ELMOD2: variants seen among roughly 807,000 people sequenced by gnomAD.
ELMOD2 encodes ELMO domain containing 2, also known as ELMO domain-containing protein 2.
Under a neutral mutation model 41.0 loss-of-function variants are expected in ELMOD2, and 28 were observed. The observed-to-expected ratio is 0.68, with a 90% CI of 0.51 to 0.94. The LOEUF (loss-of-function observed/expected upper bound fraction) is 0.94, where lower values mean the gene tolerates loss of function less well. ELMOD2 is among the 40% of genes least tolerant of loss of function. The probability of loss-of-function intolerance (pLI) is 0.00; values close to 1 mark genes in which losing one functional copy is unlikely to be tolerated. For missense variants in ELMOD2, 333 were observed against 343.1 expected (o/e 0.97, Z 0.23); for synonymous variants, 106 against 107.2 (o/e 0.99, Z 0.07).
At chr4:140,535,948 C>T (rs772838030) in intron 4 of ELMOD2, 118 bp downstream of exon 4, 73 of 869,070 alleles carry the variant, frequency 8.4e-5, no homozygotes, top group Non-Finnish European at 8.7e-5. Context: ...TCTGATTCAG[C>T]GCTCTCACTT....
intron 4 of ELMOD2, among the ~76,000 whole-genome samples, chr4:140,536,957 G>A (rs972049802): frequency 1.4e-4 from 21 of 152,064 alleles, no homozygotes; most frequent in South Asian, 6.2e-4. Context: ...TGTAGCTTGG[G>A]GAACTAATGG....
intron 3 of ELMOD2, among the ~76,000 whole-genome samples, chr4:140,531,630 G>A (rs376661259): frequency 3.3e-5 from 5 of 152,256 alleles, no homozygotes; most frequent in Middle Eastern, 3.4e-3. Context: ...TACATTTTAC[G>A]GCATTAGTTT....
chr4:140,549,860 G>A (rs3104101), intron 8 of ELMOD2, among the ~76,000 whole-genome samples: 131,462 of 151,652 alleles, frequency 0.87, 58,038 homozygotes, highest in East Asian at 0.97. Flanking sequence ...TAATTTTTGT[G>A]TTTGTTGCAG....
intron 8 of ELMOD2, among the ~76,000 whole-genome samples, chr4:140,545,637 C>T (rs1357828844): frequency 6.6e-6 from 1 of 152,148 alleles, no homozygotes; most frequent in African/African-American, 2.4e-5. Context: ...CCCAAGTGTA[C>T]TGAAGATTTC....
At chr4:140,532,728 T>C (rs545746374) in intron 3 of ELMOD2, among the ~76,000 whole-genome samples, 2 of 152,326 alleles carry the variant, frequency 1.3e-5, no homozygotes, top group African/African-American at 4.8e-5. Context: ...CAAATATATG[T>C]ACTTTCTCTG....
chr4:140,531,583 AAAT>A (rs1395782673), intron 3 of ELMOD2, among the ~76,000 whole-genome samples: 2 of 152,226 alleles, frequency 1.3e-5, no homozygotes, highest in Non-Finnish European at 2.9e-5. Context: ...CTTAGGGTTT[AAAT>A]AATAATGTAG....
chr4:140,537,642 G>T, intron 5 of ELMOD2, 101 bp downstream of exon 5: 1 of 1,374,538 alleles, frequency 7.3e-7, no homozygotes, highest in Non-Finnish European at 9.7e-7. Context: ...TATATGGCTA[G>T]GCTTATATGG....
At chr4:140,541,638 G>A (rs1196261060) in intron 6 of ELMOD2, among the ~76,000 whole-genome samples, 2 of 151,922 alleles carry the variant, frequency 1.3e-5, no homozygotes, top group Non-Finnish European at 2.9e-5. Context: ...TGAAAGCTTT[G>A]TATACTCTCT....
chr4:140,525,295 T>G (rs1023601122), intron 1 of ELMOD2, 125 bp from the exon 2 acceptor site: 6 of 1,061,966 alleles, frequency 5.6e-6, no homozygotes, highest in East Asian at 2.5e-5. Context: ...CTAATTAAAC[T>G]GTCAAAACAG....
At chr4:140,531,151 A>G (rs1734732822) in intron 3 of ELMOD2, among the ~76,000 whole-genome samples, 1 of 152,186 alleles carries the variant, frequency 6.6e-6, no homozygotes, top group South Asian at 2.1e-4. Context: ...ACTTGAGAGT[A>G]CTTAGCATTA....
At chr4:140,541,228 CTA>C (rs1021515015) in intron 6 of ELMOD2, among the ~76,000 whole-genome samples, 8 of 152,064 alleles carry the variant, frequency 5.3e-5, no homozygotes, top group Admixed American at 4.6e-4. Context: ...GATTTATAGA[CTA>C]TAAAATGTCT....
intron 6 of ELMOD2, 109 bp from the exon 7 acceptor site, chr4:140,542,465 C>T: frequency 1.4e-6 from 1 of 722,988 alleles, no homozygotes; most frequent in Non-Finnish European, 2.2e-6. Context: ...TCAGGATACT[C>T]ATGGCAATAC....
intron 3 of ELMOD2, among the ~76,000 whole-genome samples, chr4:140,532,182 T>G (rs75490547): frequency 6.6e-6 from 1 of 151,372 alleles, no homozygotes; most frequent in Non-Finnish European, 1.5e-5. Context: ...TTTTTTTTTT[T>G]GATACAGAGC....
rs966576794 is a variant in ELMOD2, at chr4:140,547,644, A to G, written c.737-2586A>G. 5.3e-5 allele frequency among the ~76,000 whole-genome samples: 8 copies of G among 152,286 alleles called. No individual in the cohort carries two copies. The South Asian group carries it at 8.3e-4, about 16-fold the overall frequency. ...TTACCCATCTTAAATATACACTTAA[A>G]TGGATTTTAATGAGCTAAATTGGGT... On this transcript the variant is annotated intron_variant, in intron 8 of 8. Transcript: ENST00000323570.
chr4:140,549,350 T>TGC (rs1735392573), intron 8 of ELMOD2, among the ~76,000 whole-genome samples: 1 of 55,612 alleles, frequency 1.8e-5, no homozygotes, highest in Admixed American at 3.0e-4. Context: ...CATTTAAGTT[T>TGC]ACATATATGT....
intron 5 of ELMOD2, 78 bp from the exon 6 acceptor site, chr4:140,540,090 G>T: frequency 6.7e-7 from 1 of 1,497,072 alleles, no homozygotes; most frequent in South Asian, 1.3e-5. Flanking sequence ...TTCTACAAAA[G>T]TTATTTGATA....
chr4:140,524,446 G>A (rs1193117777), intron 1 of ELMOD2, 166 bp downstream of exon 1: 1 of 302,064 alleles, frequency 3.3e-6, no homozygotes, highest in Non-Finnish European at 4.9e-6. Flanking sequence ...GCGCGAGGGG[G>A]GTCGGCGCAG....
At chr4:140,530,865 A>G (rs1040452776) in intron 3 of ELMOD2, among the ~76,000 whole-genome samples, 1 of 152,038 alleles carries the variant, frequency 6.6e-6, no homozygotes, top group Non-Finnish European at 1.5e-5. Flanking sequence ...TTACATTTTT[A>G]TTCGATAAAA....
chr4:140,535,133 TTCTTTCTCTCTCTCTCTC>T (rs1438734510), intron 3 of ELMOD2, among the ~76,000 whole-genome samples: 9 of 74,336 alleles, frequency 1.2e-4, no homozygotes, highest in South Asian at 6.2e-4. Flanking sequence ...GGAAATCTGT[TTCTTTCTCTCTCTCTCTC>T]TCTCTCTCTC....
Sources: gnomAD v4.1 joint callset for allele counts (sites outside exome capture counted in the v4.1 genomes callset) on GRCh38, gnomAD v4.1.1 for gene constraint, MANE v1.5 for transcripts, NCBI Gene and HGNC (gene_info 2026-07-23, HGNC 2026-07-21) for gene names.